The following AGPAT5 variants were observed in gnomAD, a reference collection of about 807,000 sequenced individuals.
AGPAT5 encodes 1-acylglycerol-3-phosphate O-acyltransferase 5.
AGPAT5 carries 46 observed loss-of-function variants against 45.6 expected under a neutral mutation model. The observed-to-expected ratio is 1.01, with a 90% CI of 0.80 to 1.29. The LOEUF (loss-of-function observed/expected upper bound fraction) is 1.29, where lower values mean the gene tolerates loss of function less well. Ranked by LOEUF, AGPAT5 falls within the 50% of genes most tolerant of loss-of-function variation. AGPAT5 has a pLI of 0.00. For missense variants in AGPAT5, 673 were observed against 450.7 expected (o/e 1.49, Z -4.47); for synonymous variants, 272 against 167.0 (o/e 1.63, Z -4.85).
At chr8:6,744,076 A>G (rs1801340025) in intron 5 of AGPAT5, among the ~76,000 whole-genome samples, 1 of 152,114 alleles carries the variant, frequency 6.6e-6, no homozygotes, top group African/African-American at 2.4e-5. Context: ...TTTAGTTGGC[A>G]AATGGCAAGC....
Position 6,760,586 on chromosome 8 carries a change from T to C in AGPAT5, c.*3198T>C, listed in dbSNP as rs963363115. 6.6e-6 allele frequency among the ~76,000 whole-genome samples: 1 copy of C among 152,202 alleles called. No individual in the cohort carries two copies. The highest frequency in any genetic ancestry group is 1.5e-5 in the Non-Finnish European group (1 of 68,038). On this transcript the variant is annotated 3_prime_UTR_variant, in exon 8 of 8. Transcript: ENST00000285518. The stretch of plus-strand genomic sequence containing the variant: ...TAATTTGTTTTTAGTAGTGTTTAGA[T>C]TGAAGATTGAGTGAAATATTTTCTT...
At chr8:6,744,409 G>A (rs986752078) in intron 5 of AGPAT5, among the ~76,000 whole-genome samples, 1 of 152,186 alleles carries the variant, frequency 6.6e-6, no homozygotes, top group African/African-American at 2.4e-5. Flanking sequence ...CACAAACTTG[G>A]TGGCTTAAAA....
At chr8:6,714,722 G>A (rs975142671) in intron 1 of AGPAT5, among the ~76,000 whole-genome samples, 1 of 152,170 alleles carries the variant, frequency 6.6e-6, no homozygotes, top group African/African-American at 2.4e-5. Context: ...TTGTGGGAAG[G>A]TTCTTTAGTT....
At chr8:6,743,625 CT>C (rs1189954052) in intron 5 of AGPAT5, among the ~76,000 whole-genome samples, 1 of 152,194 alleles carries the variant, frequency 6.6e-6, no homozygotes, top group Non-Finnish European at 1.5e-5. Context: ...AATATTTAAA[CT>C]TTTCTCAGCT....
intron 6 of AGPAT5, among the ~76,000 whole-genome samples, chr8:6,749,015 C>G (rs1801567526): frequency 6.6e-6 from 1 of 152,154 alleles, no homozygotes; most frequent in Admixed American, 6.5e-5. Flanking sequence ...CAGAAGTGAG[C>G]AAGGATAGAA....
At chr8:6,747,023 T>C (rs73508266) in intron 5 of AGPAT5, among the ~76,000 whole-genome samples, 15,443 of 152,268 alleles carry the variant, frequency 0.1, 906 homozygotes, top group Middle Eastern at 0.14. Flanking sequence ...TGAAATCGTA[T>C]GTTCATACAA....
Position 6,732,593 on chromosome 8 carries a change from AT to A in AGPAT5, c.441del (p.Phe147LeufsTer23). 6.2e-7 allele frequency: 1 copy of A among 1,611,224 alleles called. No homozygotes were observed. Among genetic ancestry groups the A allele is most frequent in the Non-Finnish European group, 8.5e-7 (1 of 1,179,304 alleles). ...GGIYVKRSAK[F>X]NEKEMRNKLQ... is the part of the protein sequence containing the mutation. The stretch of plus-strand genomic sequence containing the variant: ...GAATCTATGTAAAGCGCAGTGCCAA[AT>A]TTAACGAGAAAGAGATGCGAAACAA... On this transcript the variant is annotated frameshift_variant, in exon 4 of 8. Transcript: ENST00000285518. LOFTEE classifies it high-confidence loss of function.
chr8:6,726,828 G>A (rs906006618), intron 2 of AGPAT5, among the ~76,000 whole-genome samples: 8 of 152,148 alleles, frequency 5.3e-5, no homozygotes, highest in Non-Finnish European at 1.0e-4. Flanking sequence ...CATCCCAGCA[G>A]GATTTGGGAA....
intron 1 of AGPAT5, among the ~76,000 whole-genome samples, chr8:6,722,824 A>G (rs905943344): frequency 6.6e-6 from 1 of 150,632 alleles, no homozygotes; most frequent in East Asian, 1.9e-4. Flanking sequence ...ATAAATGAAA[A>G]GAGAAATTTT....
intron 4 of AGPAT5, among the ~76,000 whole-genome samples, chr8:6,733,250 T>C (rs1014543497): frequency 6.6e-6 from 1 of 152,218 alleles, no homozygotes; most frequent in Non-Finnish European, 1.5e-5. Flanking sequence ...CGACTTGGGC[T>C]TTCTCTTTCA....
chr8:6,736,551 T>C (rs1194973205), intron 4 of AGPAT5, among the ~76,000 whole-genome samples: 2 of 152,262 alleles, frequency 1.3e-5, no homozygotes, highest in African/African-American at 4.8e-5. Flanking sequence ...GTACTTTCTT[T>C]CCTTGTTTGC....
At chr8:6,755,561 G>C (rs1319072244) in intron 7 of AGPAT5, among the ~76,000 whole-genome samples, 1 of 152,242 alleles carries the variant, frequency 6.6e-6, no homozygotes, top group Non-Finnish European at 1.5e-5. Context: ...AGAAAAGCAA[G>C]GGAGGGGTAG....
chr8:6,732,294 G>A (rs1228169270), intron 3 of AGPAT5, among the ~76,000 whole-genome samples: 1 of 152,160 alleles, frequency 6.6e-6, no homozygotes, highest in East Asian at 1.9e-4. Context: ...AAGAAAGAAA[G>A]CATTTTCATT....
chr8:6,734,257 GT>G (rs112153658), intron 4 of AGPAT5, among the ~76,000 whole-genome samples: 4,634 of 147,584 alleles, frequency 0.031, 155 homozygotes, highest in African/African-American at 0.075. Flanking sequence ...TTTTTTGTTG[GT>G]TTTTTTTTTA....
chr8:6,730,753 C>T lies in AGPAT5; in HGVS notation c.332C>T (p.Ala111Val), dbSNP rs138829950. 1.0e-4 allele frequency: 167 copies of T among 1,613,488 alleles called. No homozygotes were observed. Among genetic ancestry groups the T allele is most frequent in the Middle Eastern group, 3.3e-4 (2 of 6,060 alleles). Reference sequence around the variant, plus strand: ...GACATCTTGGCCATCAGGCAGAATGCGCTAGGACATGTGCGCTACGTGCTG... The same window carrying T: ...GACATCTTGGCCATCAGGCAGAATGTGCTAGGACATGTGCGCTACGTGCTG... Reference protein sequence around the residue: ...VADILAIRQNALGHVRYVLKE... With the variant: ...VADILAIRQNVLGHVRYVLKE... Residue 111 changes from alanine (A) to valine (V), a missense_variant, in exon 3 of 8, where the codon GCG becomes GTG. Ala to Val is a moderately conservative substitution (Grantham distance 64). Transcript: ENST00000285518.
intron 5 of AGPAT5, among the ~76,000 whole-genome samples, chr8:6,744,644 T>G (rs1256735390): frequency 6.6e-6 from 1 of 152,162 alleles, no homozygotes; most frequent in Non-Finnish European, 1.5e-5. Context: ...ACCTTGAAGT[T>G]CATCTGGAAA....
intron 1 of AGPAT5, among the ~76,000 whole-genome samples, chr8:6,719,239 T>G (rs1356751343): frequency 1.3e-5 from 2 of 152,208 alleles, no homozygotes; most frequent in African/African-American, 4.8e-5. Context: ...TTTTTGCACA[T>G]TATTTTACAT....
At position 6,747,821 on chromosome 8, in the gene AGPAT5, C is replaced by T. The variant is rs773082959; in HGVS notation, c.738C>T (p.Thr246=). 6.2e-6 allele frequency: 10 copies of T among 1,613,948 alleles called. No individual in the cohort carries two copies. The highest frequency in any genetic ancestry group is 8.5e-6 in the Non-Finnish European group (10 of 1,179,926). The change falls in exon 6 of 8, where the codon ACC becomes ACT. Residue 246 remains threonine, a synonymous_variant. Coordinates refer to ENST00000285518, the MANE Select transcript of AGPAT5 (RefSeq NM_018361.5). The part of the protein sequence containing the change: ...DDGGQRRESP[T]MTEFLCKECP... ...GAGGGCAGCGAAGAGAGTCACCGAC[C>T]ATGACGGGTAAGTGTGTTCACGCAC...
At chr8:6,751,308 T>G (rs71525764) in intron 6 of AGPAT5, among the ~76,000 whole-genome samples, 26,169 of 152,226 alleles carry the variant, frequency 0.17, 2,498 homozygotes, top group Admixed American at 0.25. Context: ...ATAATTTTTT[T>G]CTGAAGTTGG....
Sources: gnomAD v4.1 joint callset for allele counts (sites outside exome capture counted in the v4.1 genomes callset) on GRCh38, gnomAD v4.1.1 for gene constraint, MANE v1.5 for transcripts, NCBI Gene and HGNC (gene_info 2026-07-23, HGNC 2026-07-21) for gene names.